Variants in ITSN1 observed in about 807,000 individuals in gnomAD.
ITSN1 encodes intersectin 1.
A neutral mutation model predicts 239.8 loss-of-function variants in ITSN1; 58 were observed. The ratio of observed to expected loss-of-function variants is 0.24; its 90% confidence interval spans 0.20 to 0.30. The LOEUF is 0.30. Among genes scored for constraint, ITSN1 ranks in the 10% least tolerant of loss-of-function variants. The probability of loss-of-function intolerance (pLI) is 1.00; values close to 1 mark genes in which losing one functional copy is unlikely to be tolerated. For missense variants in ITSN1, 1,558 were observed against 2,103.3 expected, an observed-to-expected ratio of 0.74 and a Z score of 5.07; for synonymous variants, 780 against 770.8, an observed-to-expected ratio of 1.01 and a Z score of -0.20.
At chr21:33,759,990 C>T (rs2068183949) in intron 8 of ITSN1, among the ~76,000 whole-genome samples, 1 of 151,856 alleles carries the variant, frequency 6.6e-6, no homozygotes, top group Non-Finnish European at 1.5e-5. Flanking sequence ...GTAGTCCCAG[C>T]TATTCAGGAG....
chr21:33,855,129 G>T (rs1169004310), intron 29 of ITSN1, among the ~76,000 whole-genome samples: 2 of 152,230 alleles, frequency 1.3e-5, no homozygotes, highest in Non-Finnish European at 2.9e-5. Context: ...GGCTAGATCA[G>T]TCATGACCCC....
intron 1 of ITSN1, among the ~76,000 whole-genome samples, chr21:33,668,807 C>T (rs1332332715): frequency 1.3e-5 from 2 of 152,170 alleles, no homozygotes; most frequent in African/African-American, 4.8e-5. Flanking sequence ...GTCAGTGACC[C>T]CACACTTGGC....
chr21:33,864,364 G>A (rs1177700242), intron 31 of ITSN1, among the ~76,000 whole-genome samples: 1 of 152,146 alleles, frequency 6.6e-6, no homozygotes, highest in Non-Finnish European at 1.5e-5. Context: ...TAAGCTCAGT[G>A]CCATGCCCTT....
chr21:33,853,080 C>G (rs982322738), intron 29 of ITSN1, among the ~76,000 whole-genome samples: 1 of 152,196 alleles, frequency 6.6e-6, no homozygotes, highest in African/African-American at 2.4e-5. Context: ...TTTAAAGCAG[C>G]CTCCCATGGG....
At chr21:33,732,443 G>A (rs76506674) in intron 4 of ITSN1, among the ~76,000 whole-genome samples, 2,237 of 152,162 alleles carry the variant, frequency 0.015, 27 homozygotes, top group Non-Finnish European at 0.023. Context: ...TCAAAATTTT[G>A]TTTTCAGTTT....
rs1945822374 is a variant in ITSN1, at chr21:33,672,491, G to A, written c.-33+29778G>A. ...GACTGAAATAATAAGAATTGGCCAG[G>A]ATATGAAGAAAAGGGAACGCTTGTA... On this transcript the variant is annotated intron_variant, in intron 1 of 39. Coordinates refer to ENST00000381318, the MANE Select transcript of ITSN1 (RefSeq NM_003024.3). Among the ~76,000 whole-genome samples the A allele has an allele frequency of 3.9e-5, 6 of 152,268 alleles. No homozygotes were observed. The South Asian group carries it at 1.0e-3, about 26-fold the overall frequency.
chr21:33,683,643 G>A (rs2091089179), intron 1 of ITSN1, among the ~76,000 whole-genome samples: 1 of 152,098 alleles, frequency 6.6e-6, no homozygotes, highest in Admixed American at 6.5e-5. Flanking sequence ...GCAATGAACA[G>A]ATTGAATTCC....
intron 1 of ITSN1, among the ~76,000 whole-genome samples, chr21:33,689,974 A>C (rs1223129296): frequency 6.6e-6 from 1 of 150,742 alleles, no homozygotes; most frequent in Non-Finnish European, 1.5e-5. Flanking sequence ...TCTCAAAAAA[A>C]AAAAAAAATA....
At chr21:33,699,577 G>A (rs552077293) in intron 1 of ITSN1, among the ~76,000 whole-genome samples, 2 of 152,094 alleles carry the variant, frequency 1.3e-5, no homozygotes, top group Non-Finnish European at 1.5e-5. Flanking sequence ...AAATTAGCCA[G>A]GTGTGGTGGT....
At chr21:33,827,846 C>A (rs1358606633) in intron 26 of ITSN1, among the ~76,000 whole-genome samples, 1 of 152,190 alleles carries the variant, frequency 6.6e-6, no homozygotes, top group Non-Finnish European at 1.5e-5. Flanking sequence ...TTGAAACAGT[C>A]ACTGAATTGC....
chr21:33,665,946 T>TG (rs1324582559), intron 1 of ITSN1, among the ~76,000 whole-genome samples: 3 of 151,572 alleles, frequency 2.0e-5, no homozygotes. Context: ...TTTTTTTTTT[T>TG]GAGAGGGAGT....
intron 4 of ITSN1, among the ~76,000 whole-genome samples, chr21:33,732,923 A>T (rs901985482): frequency 1.3e-5 from 2 of 152,376 alleles, no homozygotes; most frequent in African/African-American, 4.8e-5. Flanking sequence ...TAAAGGAAAT[A>T]GTATATTTGA....
intron 1 of ITSN1, among the ~76,000 whole-genome samples, chr21:33,688,807 T>A (rs1333313353): frequency 6.6e-6 from 1 of 151,964 alleles, no homozygotes; most frequent in Non-Finnish European, 1.5e-5. Context: ...AGTCCTTTTT[T>A]TTTTCTTTTT....
chr21:33,718,877 C>T, intron 2 of ITSN1, 21 bp downstream of exon 2: 1 of 1,604,368 alleles, frequency 6.2e-7, no homozygotes, highest in Non-Finnish European at 8.5e-7. Flanking sequence ...AGAAATTTCT[C>T]TTTTTAATGT....
At chr21:33,696,531 T>C (rs1233758215) in intron 1 of ITSN1, among the ~76,000 whole-genome samples, 3 of 152,240 alleles carry the variant, frequency 2.0e-5, no homozygotes, top group African/African-American at 7.2e-5. Flanking sequence ...CAATTTAATT[T>C]TGATGAATAT....
chr21:33,884,997 T>C, intron 36 of ITSN1, 44 bp from the exon 37 acceptor site: 1 of 1,472,012 alleles, frequency 6.8e-7, no homozygotes, highest in Non-Finnish European at 9.5e-7. Context: ...GAAGCCTTTT[T>C]CCTGAGTTTC....
At chr21:33,774,917 A>T (rs202036992) in intron 13 of ITSN1, 39 bp downstream of exon 13, 1 of 1,604,160 alleles carries the variant, frequency 6.2e-7, no homozygotes, top group South Asian at 1.1e-5. Context: ...ATATACTAAG[A>T]TGGAACCATT....
At chr21:33,833,658 G>A (rs548090943) in intron 27 of ITSN1, among the ~76,000 whole-genome samples, 12 of 152,354 alleles carry the variant, frequency 7.9e-5, no homozygotes, top group African/African-American at 2.9e-4. Context: ...ACGAGGTCAA[G>A]AGATCGAGAC....
At chr21:33,708,893 C>A (rs779886603) in intron 1 of ITSN1, among the ~76,000 whole-genome samples, 6 of 152,158 alleles carry the variant, frequency 3.9e-5, no homozygotes, top group Non-Finnish European at 8.8e-5. Context: ...TCCAGTTGAT[C>A]CACTTTGTTT....
Sources: gnomAD v4.1 joint callset for allele counts (sites outside exome capture counted in the v4.1 genomes callset) on GRCh38, gnomAD v4.1.1 for gene constraint, MANE v1.5 for transcripts, NCBI Gene and HGNC (gene_info 2026-07-23, HGNC 2026-07-21) for gene names.